ERFE: variants seen among roughly 807,000 people sequenced by gnomAD.
The protein encoded by ERFE is erythroferrone, also known as complement C1q tumor necrosis factor-related protein 15.
A neutral mutation model predicts 26.6 loss-of-function variants in ERFE; 25 were observed. The ratio of observed to expected loss-of-function variants is 0.94; its 90% confidence interval spans 0.69 to 1.31. The LOEUF (loss-of-function observed/expected upper bound fraction) is 1.31, where lower values mean the gene tolerates loss of function less well. Ranked by LOEUF, ERFE falls within the 40% of genes most tolerant of loss-of-function variation. The pLI is 0.00. For synonymous variants in ERFE, 206 were observed against 204.5 expected (o/e 1.01, Z -0.06); for missense variants, 447 against 440.2 (o/e 1.02, Z -0.14).
chr2:238,164,204 G>A (rs751612918), intron 5 of ERFE, 21 bp downstream of exon 5: 9 of 1,432,016 alleles, frequency 6.3e-6, no homozygotes, highest in East Asian at 5.6e-5. Context: ...GGGCGTGGGA[G>A]GATCGCCCGC....
Position 238,161,685 on chromosome 2 carries a change from AGAG to A in ERFE, c.294_296del (p.Arg98del), listed in dbSNP as rs1246436273. ...AGTGACAAGGGTGTCAATGGCAAGAAGAGGAGCAGGGGCAAGGCCAAGAAGCTG... is the reference window on the plus strand; with the variant it reads ...AGTGACAAGGGTGTCAATGGCAAGAAGAGCAGGGGCAAGGCCAAGAAGCTG... On this transcript the variant is annotated inframe_deletion, in exon 2 of 8. Transcript: ENST00000546354. 6 of 1,547,842 alleles carry A rather than the reference AGAG, an allele frequency of 3.9e-6. No individual in the cohort carries two copies. Among genetic ancestry groups the A allele is most frequent in the Non-Finnish European group, 4.4e-6 (5 of 1,144,946 alleles).
Position 238,163,943 on chromosome 2 carries a change from C to A in ERFE, c.631C>A (p.Arg211Ser). Residue 211 changes from arginine (R) to serine (S), a missense_variant, in exon 4 of 8, where the codon CGC (arginine) becomes AGC (serine). By Grantham distance (110) the Arg-to-Ser change is moderately radical. Coordinates refer to ENST00000546354, the MANE Select transcript of ERFE (RefSeq NM_001291832.2). ...GGAGGCCGCTTTCCTCTGCCGCCTG[C>A]GCCGGGACGCGTTGGTGGAGCGGCG... ...RVEAAFLCRL[R>S]RDALVERRAL... The A allele has an allele frequency of 7.3e-7, 1 of 1,372,802 alleles. No homozygotes were observed. The highest frequency in any genetic ancestry group is 9.3e-7 in the Non-Finnish European group (1 of 1,069,954). 85.0% of individuals were successfully genotyped at this position (1,372,802 alleles called of 1,614,324 possible).
Position 238,167,427 on chromosome 2 carries a change from T to G in ERFE, c.*373T>G. ...CCCAGCCCCACCTTTTCCACCTCTC[T>G]TCATGTTCTCATGGAGTGCAAAGTG... On this transcript the variant is annotated 3_prime_UTR_variant, in exon 8 of 8. Coordinates refer to ENST00000546354, the MANE Select transcript of ERFE (RefSeq NM_001291832.2). 1 of 513,362 alleles carries G rather than the reference T, an allele frequency of 1.9e-6. No individual in the cohort carries two copies. 31.8% of individuals were successfully genotyped at this position (513,362 alleles called of 1,614,324 possible).
chr2:238,168,332 G>A lies in ERFE; in HGVS notation c.*1278G>A, dbSNP rs1392461325. 1 of 465,712 alleles carries A rather than the reference G, an allele frequency of 2.1e-6. No individual in the cohort carries two copies. Among genetic ancestry groups the A allele is most frequent in the Non-Finnish European group, 4.4e-6 (1 of 224,818 alleles). The allele number at this position is 465,712 out of a possible 1,614,324, so 28.8% of individuals were successfully genotyped here. On this transcript the variant is annotated 3_prime_UTR_variant, in exon 8 of 8. Coordinates refer to ENST00000546354, the MANE Select transcript of ERFE (RefSeq NM_001291832.2). ...CAGCGACCTCCAGGGCCTCCTACCT[G>A]CTGAGGAAGAGTTAACCCACTGCCT...
intron 6 of ERFE, 63 bp from the exon 7 acceptor site, chr2:238,165,543 G>A (rs148587736): frequency 7.3e-7 from 1 of 1,371,684 alleles, no homozygotes; most frequent in Non-Finnish European, 1.0e-6. Flanking sequence ...AGGATTGTGT[G>A]TCGTAGGTGA....
intron 2 of ERFE, 37 bp from the exon 3 acceptor site, chr2:238,162,699 C>G: frequency 7.5e-7 from 1 of 1,338,420 alleles, no homozygotes; most frequent in Non-Finnish European, 1.0e-6. Flanking sequence ...TCCCAGCCTG[C>G]TCCTCACATG....
intron 1 of ERFE, among the ~76,000 whole-genome samples, chr2:238,159,983 T>C (rs1199747575): frequency 2.0e-5 from 3 of 152,162 alleles, no homozygotes; most frequent in Non-Finnish European, 2.9e-5. Context: ...CAGCCAGGCC[T>C]GGGGTCCCCC....
At chr2:238,162,524 C>A (rs942970343) in intron 2 of ERFE, among the ~76,000 whole-genome samples, 1 of 152,252 alleles carries the variant, frequency 6.6e-6, no homozygotes, top group Non-Finnish European at 1.5e-5. Context: ...AGAGTCCTTC[C>A]CTGCCAAAGC....
chr2:238,165,196 C>A (rs1693015436), intron 6 of ERFE, among the ~76,000 whole-genome samples: 1 of 152,230 alleles, frequency 6.6e-6, no homozygotes, highest in African/African-American at 2.4e-5. Context: ...AGCGGAGATA[C>A]CCTGCGGGTA....
In ERFE at chr2:238,159,057, C is replaced by T; in HGVS notation, c.50C>T (p.Ala17Val). The change falls in exon 1 of 8, where the codon GCG becomes GTG. Residue 17 changes from alanine to valine, a missense_variant. Coordinates refer to ENST00000546354, the MANE Select transcript of ERFE (RefSeq NM_001291832.2). ...PAGARLLLVY[A>V]GLLAAAAAGL... is the part of the protein sequence containing the mutation. ...GGAGCCCGCCTGCTGCTCGTCTACG[C>T]GGGCCTGCTGGCCGCCGCCGCCGCG... The T allele has an allele frequency of 4.0e-6, 1 of 252,064 alleles. No individual in the cohort carries two copies. Among genetic ancestry groups the T allele is most frequent in the Non-Finnish European group, 7.4e-6 (1 of 134,816 alleles). 15.6% of individuals were successfully genotyped at this position (252,064 alleles called of 1,614,324 possible).
rs1314452581 is a variant in ERFE at position 238,168,812 on chromosome 2, C to T, written c.*1758C>T. 1 of 77,908 alleles carries T rather than the reference C, an allele frequency of 1.3e-5. No individual in the cohort carries two copies. The highest frequency in any genetic ancestry group is 5.6e-4 in the East Asian group (1 of 1,780). 4.8% of individuals were successfully genotyped at this position (77,908 alleles called of 1,614,324 possible). Reference sequence around the variant, plus strand: ...CACTCTTGTAAAAGCCACATATCCACATCTCTTTCATTTTTCTCAGTGTGT... The same window carrying T: ...CACTCTTGTAAAAGCCACATATCCATATCTCTTTCATTTTTCTCAGTGTGT... On this transcript the variant is annotated 3_prime_UTR_variant, in exon 8 of 8. Coordinates refer to ENST00000546354, the MANE Select transcript of ERFE (RefSeq NM_001291832.2).
At chr2:238,165,136 A>G (rs898928567) in intron 6 of ERFE, among the ~76,000 whole-genome samples, 1 of 152,230 alleles carries the variant, frequency 6.6e-6, no homozygotes, top group Non-Finnish European at 1.5e-5. Context: ...CCACGAGTGC[A>G]GTGACTGTGA....
Position 238,167,094 on chromosome 2 carries a change from C to T in ERFE, c.*40C>T, listed in dbSNP as rs775145959. 1.0e-4 allele frequency: 152 copies of T among 1,525,404 alleles called. No homozygotes were observed. The highest frequency in any genetic ancestry group is 1.3e-4 in the Non-Finnish European group (150 of 1,126,226). The allele number at this position is 1,525,404 out of a possible 1,614,324, so 94.5% of individuals were successfully genotyped here. On this transcript the variant is annotated 3_prime_UTR_variant, in exon 8 of 8. Coordinates refer to ENST00000546354, the MANE Select transcript of ERFE (RefSeq NM_001291832.2). The stretch of plus-strand genomic sequence containing the variant: ...CCCTTCCTCTCAGGGGCAAATGGAG[C>T]ACAGATCTAGACAATGTGTGGACAG...
Position 238,161,635 on chromosome 2 carries a change from C to T in ERFE, c.240C>T (p.Asp80=), listed in dbSNP as rs756565070. 178 of 1,546,450 alleles carry T rather than the reference C, an allele frequency of 1.2e-4. 1 individual carries two copies. The highest frequency in any genetic ancestry group is 6.9e-4 in the South Asian group (58 of 83,792). The change falls in exon 2 of 8, where the codon GAC becomes GAT. Residue 80 remains aspartate, a synonymous_variant. Transcript: ENST00000546354. ...AERAHSVDPR[D]AWMLFVRQSD... ...GTGCACACAGCGTCGACCCCCGGGA[C>T]GCCTGGATGCTCTTCGTCAGGCAGA... is the stretch of plus-strand genomic sequence containing the variant.
At chr2:238,162,693 A>C in intron 2 of ERFE, 43 bp from the exon 3 acceptor site, 1 of 1,299,358 alleles carries the variant, frequency 7.7e-7, no homozygotes. Context: ...TGTGGCTCCC[A>C]GCCTGCTCCT....
In ERFE at chr2:238,168,161, A is replaced by G. The variant is rs1693077842; in HGVS notation, c.*1107A>G. ...CCCAAGCCTGCTGTGCTCCTGTGGC[A>G]GTGATGGGGCCTGGGGATGGGGACG... On this transcript the variant is annotated 3_prime_UTR_variant, in exon 8 of 8. Coordinates refer to ENST00000546354, the MANE Select transcript of ERFE (RefSeq NM_001291832.2). The G allele has an allele frequency of 6.9e-6, 2 of 291,596 alleles. No individual in the cohort carries two copies. The highest frequency in any genetic ancestry group is 4.8e-5 in the Admixed American group (1 of 20,624). The allele number at this position is 291,596 out of a possible 1,614,324, so 18.1% of individuals were successfully genotyped here.
rs989234962 is a variant in ERFE, at chr2:238,167,077, C to T, written c.*23C>T. On this transcript the variant is annotated 3_prime_UTR_variant, in exon 8 of 8. Transcript: ENST00000546354. The stretch of plus-strand genomic sequence containing the variant: ...TGAGCGGCCACCACAGGCCCTTCCT[C>T]TCAGGGGCAAATGGAGCACAGATCT... 30 of 1,544,638 alleles carry T rather than the reference C, an allele frequency of 1.9e-5. No individual in the cohort carries two copies. In the Middle Eastern group the frequency reaches 5.0e-4, roughly 26 times the overall value.
chr2:238,163,573 A>G, intron 3 of ERFE, 164 bp from the exon 4 acceptor site: 1 of 846,378 alleles, frequency 1.2e-6, no homozygotes, highest in Non-Finnish European at 1.6e-6. Flanking sequence ...CAGGGTCAGG[A>G]CGCAAAGACT....
intron 7 of ERFE, among the ~76,000 whole-genome samples, chr2:238,166,129 G>A: frequency 6.6e-6 from 1 of 152,222 alleles, no homozygotes; most frequent in Non-Finnish European, 1.5e-5. Context: ...AAAACCCTAA[G>A]TGACCATCTC....
Sources: gnomAD v4.1 joint callset for allele counts (sites outside exome capture counted in the v4.1 genomes callset) on GRCh38, gnomAD v4.1.1 for gene constraint, MANE v1.5 for transcripts, NCBI Gene and HGNC (gene_info 2026-07-23, HGNC 2026-07-21) for gene names.